Variants in PAH observed in about 807,000 individuals in gnomAD.
PAH encodes the protein phenylalanine-4-hydroxylase.
PAH carries 64 observed loss-of-function variants against 62.0 expected under a neutral mutation model. The ratio of observed to expected loss-of-function variants is 1.03; its 90% CI spans 0.84 to 1.27. The LOEUF (loss-of-function observed/expected upper bound fraction) is 1.27, where lower values mean the gene tolerates loss of function less well. PAH is among the 50% of genes most tolerant of loss of function. The pLI, the probability that PAH is intolerant of heterozygous loss-of-function variation, is 0.00. For missense variants in PAH, 579 were observed against 542.8 expected (o/e 1.07, Z -0.66); for synonymous variants, 195 against 196.2 (o/e 0.99, Z 0.05).
At chr12:102,884,407 C>T (rs562792191) in intron 3 of PAH, among the ~76,000 whole-genome samples, 24 of 152,340 alleles carry the variant, frequency 1.6e-4, no homozygotes, top group African/African-American at 4.3e-4. Flanking sequence ...AGCCTTGACA[C>T]ATGTGCTGAC....
In PAH at chr12:102,939,097, C is replaced by T. The variant is rs114688963; in HGVS notation, c.-96+11492G>A. On this transcript the variant is annotated intron_variant, in intron 1 of 3. Coordinates refer to the PAH transcript ENST00000546844. ...GAGCCCAGTCTCTCTTCCCTGTGAGCTCCTGACACCCTGCTCTTCATCAGG... is the reference window on the plus strand; with the variant it reads ...GAGCCCAGTCTCTCTTCCCTGTGAGTTCCTGACACCCTGCTCTTCATCAGG... 7.7e-3 allele frequency among the ~76,000 whole-genome samples: 1,176 copies of T among 151,964 alleles called. 22 individuals are homozygous for T. Among genetic ancestry groups the T allele is most frequent in the African/African-American group, 0.027 (1,126 of 41,458 alleles).
chr12:102,842,126 TGGGACTGATCACTTG>T (rs1874620014), intron 11 of PAH, among the ~76,000 whole-genome samples: 1 of 152,212 alleles, frequency 6.6e-6, no homozygotes, highest in African/African-American at 2.4e-5. Flanking sequence ...CCTGCTGGTC[TGGGACTGATCACTTG>T]CTGGTTAGAG....
chr12:102,885,438 G>A (rs775402923), intron 3 of PAH, among the ~76,000 whole-genome samples: 18 of 152,296 alleles, frequency 1.2e-4, no homozygotes, highest in South Asian at 2.1e-4. Flanking sequence ...CAGCCTCTCC[G>A]GCGGGCGGCT....
At chr12:102,956,563 G>A (rs968348709) in intron 1 of PAH, among the ~76,000 whole-genome samples, 1 of 152,110 alleles carries the variant, frequency 6.6e-6, no homozygotes, top group African/African-American at 2.4e-5. Flanking sequence ...CGAGGTGCCC[G>A]CGGCGGCGCC....
upstream of PAH, chr12:102,917,293 C>G (rs921687477): frequency 1.4e-6 from 1 of 689,894 alleles, no homozygotes. Context: ...TAACGCCCCT[C>G]GTGGGCGTTG....
chr12:102,896,567 G>A (rs1278269718), intron 2 of PAH, among the ~76,000 whole-genome samples: 1 of 152,190 alleles, frequency 6.6e-6, no homozygotes, highest in Non-Finnish European at 1.5e-5. Context: ...AGACGTGAAG[G>A]TGGCTATGTC....
At chr12:102,944,863 C>A (rs560704399) in intron 1 of PAH, among the ~76,000 whole-genome samples, 2 of 152,256 alleles carry the variant, frequency 1.3e-5, no homozygotes, top group African/African-American at 4.8e-5. Flanking sequence ...TTATATAGTT[C>A]TCACCATCTG....
chr12:102,845,072 G>C (rs1874777234), intron 9 of PAH, among the ~76,000 whole-genome samples: 1 of 152,096 alleles, frequency 6.6e-6, no homozygotes, highest in Non-Finnish European at 1.5e-5. Flanking sequence ...CTCAAAGAAG[G>C]AGAAGGCAGC....
At chr12:102,881,236 A>G (rs968575727) in intron 3 of PAH, among the ~76,000 whole-genome samples, 2 of 151,036 alleles carry the variant, frequency 1.3e-5, no homozygotes, top group East Asian at 3.9e-4. Flanking sequence ...CTGGTCTCGA[A>G]CTCCTGACCT....
intron 8 of PAH, chr12:102,847,154 C>A: frequency 1.7e-6 from 1 of 602,852 alleles, no homozygotes; most frequent in Non-Finnish European, 3.0e-6. Flanking sequence ...TCCACCCTCA[C>A]TTGGCCCTTT....
At chr12:102,903,759 A>G (rs1366516403) in intron 2 of PAH, among the ~76,000 whole-genome samples, 1 of 152,176 alleles carries the variant, frequency 6.6e-6, no homozygotes, top group Non-Finnish European at 1.5e-5. Flanking sequence ...CATCAATTGA[A>G]TGATGCTGTC....
rs1428015369 is a variant in PAH, at chr12:102,838,376, C to A, written c.*799G>T. The A allele has an allele frequency of 6.6e-6, 1 of 152,156 alleles. No homozygotes were observed. The highest frequency in any genetic ancestry group is 1.5e-5 in the Non-Finnish European group (1 of 68,016). 9.4% of individuals were successfully genotyped at this position (152,156 alleles called of 1,614,324 possible). On this transcript the variant is annotated 3_prime_UTR_variant, in exon 13 of 13. Coordinates refer to ENST00000553106, the MANE Select transcript of PAH (RefSeq NM_000277.3). ...TACAAATAAAAATTTCACATTTATA[C>A]AGATTTGCTTTTCAATAATGTATTT... is the stretch of plus-strand genomic sequence containing the variant.
intron 4 of PAH, among the ~76,000 whole-genome samples, chr12:102,873,161 G>A (rs1238313267): frequency 6.6e-6 from 1 of 152,178 alleles, no homozygotes; most frequent in Non-Finnish European, 1.5e-5. Context: ...AGAGGTTGCT[G>A]GTGCTCCCCA....
chr12:102,852,891 C>G lies in PAH; in HGVS notation c.766G>C (p.Gly256Arg), dbSNP rs1420712008. 1 of 1,613,890 alleles carries G rather than the reference C, an allele frequency of 6.2e-7. No homozygotes were observed. Among genetic ancestry groups the G allele is most frequent in the Admixed American group, 1.7e-5 (1 of 59,984 alleles). Residue 256 changes from glycine (G) to arginine (R), a missense_variant, in exon 7 of 13, where the codon GGT becomes CGT. Physicochemically the swap from Gly to Arg is moderately radical, Grantham distance 125. Coordinates refer to ENST00000553106, the MANE Select transcript of PAH (RefSeq NM_000277.3). The stretch of plus-strand genomic sequence containing the variant: ...TGGAAGACTCGGAAGGCCAGGCCAC[C>G]CAAGAAATCCCGAGAGGAAAGCAGG... ...AGLLSSRDFL[G>R]GLAFRVFHCT... is the part of the protein sequence containing the mutation.
chr12:102,897,704 A>T (rs1418270204), intron 2 of PAH, among the ~76,000 whole-genome samples: 1 of 152,100 alleles, frequency 6.6e-6, no homozygotes, highest in East Asian at 1.9e-4. Context: ...TTGATGTCTC[A>T]AATGTCCCTA....
intron 1 of PAH, among the ~76,000 whole-genome samples, 190 bp downstream of exon 1, chr12:102,916,881 G>A (rs1878402692): frequency 6.6e-6 from 1 of 151,350 alleles, no homozygotes. Context: ...ACCGAGGACA[G>A]ATGTTCTCCT....
chr12:102,865,701 T>G (rs1469911416), intron 5 of PAH, among the ~76,000 whole-genome samples: 1 of 152,190 alleles, frequency 6.6e-6, no homozygotes, highest in African/African-American at 2.4e-5. Context: ...AGACAGCACA[T>G]TTTTGAATTC....
At chr12:102,849,487 G>C (rs1157853161) in intron 8 of PAH, among the ~76,000 whole-genome samples, 3 of 152,178 alleles carry the variant, frequency 2.0e-5, no homozygotes, top group Non-Finnish European at 2.9e-5. Context: ...CCATGAAATT[G>C]AGTGAGATCA....
upstream of PAH, among the ~76,000 whole-genome samples, chr12:102,921,751 T>C (rs1807839): frequency 0.032 from 4,812 of 152,244 alleles, 263 homozygotes; most frequent in African/African-American, 0.11. Flanking sequence ...GTAATACCAC[T>C]TAACTTAAAG....
Sources: gnomAD v4.1 joint callset for allele counts (sites outside exome capture counted in the v4.1 genomes callset) on GRCh38, gnomAD v4.1.1 for gene constraint, MANE v1.5 for transcripts, NCBI Gene and HGNC (gene_info 2026-07-23, HGNC 2026-07-21) for gene names.